MAP3K20: variants seen among roughly 807,000 people sequenced by gnomAD.
MAP3K20 encodes the protein mitogen-activated protein kinase kinase kinase 20.
MAP3K20 carries 40 observed loss-of-function variants against 85.7 expected under a neutral mutation model. The ratio of observed to expected loss-of-function variants is 0.47; its 90% CI spans 0.36 to 0.61. The LOEUF (loss-of-function observed/expected upper bound fraction) is 0.61. MAP3K20 is among the 20% of genes least tolerant of loss of function. The pLI, the probability that MAP3K20 is intolerant of heterozygous loss-of-function variation, is 0.00. For synonymous variants in MAP3K20, 325 were observed against 327.7 expected (o/e 0.99, Z 0.09); for missense variants, 817 against 961.7 (o/e 0.85, Z 1.99).
intron 3 of MAP3K20, among the ~76,000 whole-genome samples, chr2:173,179,901 G>A (rs1205889733): frequency 6.6e-6 from 1 of 151,970 alleles, no homozygotes; most frequent in African/African-American, 2.4e-5. Context: ...AAATAGTTGG[G>A]TATAAATTTA....
Position 173,266,675 on chromosome 2 carries a change from G to A in MAP3K20, c.2328G>A (p.Lys776=). Residue 776 remains lysine (K), a synonymous_variant, in exon 20 of 20, where the codon AAG becomes AAA. Coordinates refer to ENST00000375213, the MANE Select transcript of MAP3K20 (RefSeq NM_016653.3). The part of the protein sequence containing the change: ...GGWTKVEYRK[K]PHRPSPAKTN... ...GGACAAAAGTGGAATACCGGAAAAA[G>A]CCCCACAGGCCATCTCCCGCCAAAA... 6.2e-7 allele frequency: 1 copy of A among 1,606,790 alleles called. No homozygotes were observed. The highest frequency in any genetic ancestry group is 1.3e-5 in the African/African-American group (1 of 74,466).
chr2:173,208,168 G>C (rs1683752620), intron 9 of MAP3K20, among the ~76,000 whole-genome samples: 1 of 152,144 alleles, frequency 6.6e-6, no homozygotes, highest in Non-Finnish European at 1.5e-5. Flanking sequence ...AGGAGGCTGA[G>C]GCAGGAAGAT....
chr2:173,162,284 G>C (rs1689682020), intron 2 of MAP3K20, among the ~76,000 whole-genome samples: 1 of 152,124 alleles, frequency 6.6e-6, no homozygotes, highest in African/African-American at 2.4e-5. Flanking sequence ...GAGAGCCTTG[G>C]ACCTTGGATG....
chr2:173,161,231 C>G (rs966713193), intron 2 of MAP3K20, among the ~76,000 whole-genome samples: 9 of 152,220 alleles, frequency 5.9e-5, no homozygotes, highest in Non-Finnish European at 1.0e-4. Flanking sequence ...CAAAGTGCAG[C>G]TGTCCAAATC....
intron 14 of MAP3K20, among the ~76,000 whole-genome samples, chr2:173,236,038 G>C (rs966247368): frequency 2.0e-5 from 3 of 152,124 alleles, no homozygotes; most frequent in African/African-American, 7.2e-5. Context: ...GGTCAAGGTG[G>C]GCAACTCACT....
At chr2:173,157,142 G>A (rs1253885066) in intron 2 of MAP3K20, among the ~76,000 whole-genome samples, 6 of 152,248 alleles carry the variant, frequency 3.9e-5, no homozygotes, top group Non-Finnish European at 8.8e-5. Context: ...AAATGGAGGC[G>A]ATCTGTTCAT....
intron 9 of MAP3K20, 88 bp downstream of exon 9, chr2:173,203,958 C>T (rs1322536829): frequency 8.1e-7 from 1 of 1,231,520 alleles, no homozygotes; most frequent in South Asian, 1.2e-5. Flanking sequence ...TAATAAAATT[C>T]ATTACAAAGC....
intron 7 of MAP3K20, 128 bp downstream of exon 7, chr2:173,191,305 C>T: frequency 7.7e-7 from 1 of 1,302,110 alleles, no homozygotes; most frequent in Non-Finnish European, 1.0e-6. Flanking sequence ...ATGCCTAAAG[C>T]AGCACCATTG....
chr2:173,129,120 G>A (rs1430458972), intron 2 of MAP3K20, among the ~76,000 whole-genome samples: 6 of 151,770 alleles, frequency 4.0e-5, no homozygotes, highest in Admixed American at 6.6e-5. Context: ...GTAGAGACAA[G>A]GTTTCACCAT....
chr2:173,181,752 T>C (rs1316133062), intron 3 of MAP3K20, among the ~76,000 whole-genome samples: 1 of 152,050 alleles, frequency 6.6e-6, no homozygotes, highest in Non-Finnish European at 1.5e-5. Flanking sequence ...GAGTGAACTT[T>C]GAAAACATTA....
intron 16 of MAP3K20, among the ~76,000 whole-genome samples, chr2:173,249,955 C>T (rs1000348550): frequency 6.6e-5 from 10 of 152,104 alleles, no homozygotes; most frequent in Non-Finnish European, 1.2e-4. Context: ...AAATAACAAC[C>T]CCCCAAAAGG....
chr2:173,194,834 C>G (rs1246214366), intron 7 of MAP3K20, among the ~76,000 whole-genome samples: 1 of 151,900 alleles, frequency 6.6e-6, no homozygotes, highest in Non-Finnish European at 1.5e-5. Flanking sequence ...ATTTTTTAGA[C>G]TGCTGTAAGA....
chr2:173,262,148 T>C (rs1435486635), intron 18 of MAP3K20, among the ~76,000 whole-genome samples: 1 of 152,232 alleles, frequency 6.6e-6, no homozygotes, highest in Non-Finnish European at 1.5e-5. Context: ...GTCAATTCCA[T>C]GTTTTCTGAC....
chr2:173,109,869 T>C (rs1687893074), intron 2 of MAP3K20, among the ~76,000 whole-genome samples: 1 of 152,154 alleles, frequency 6.6e-6, no homozygotes, highest in Non-Finnish European at 1.5e-5. Flanking sequence ...GCTAATATGA[T>C]ACGTTTCCAG....
intron 2 of MAP3K20, among the ~76,000 whole-genome samples, chr2:173,154,193 C>CT (rs752937289): frequency 2.2e-4 from 33 of 151,950 alleles, no homozygotes; most frequent in African/African-American, 7.3e-4. Context: ...AATCCATTCT[C>CT]TTTTTTTTGA....
rs542220439 is a variant in MAP3K20 at position 173,239,674 on chromosome 2, T to C, written c.1359+178T>C. Among the ~76,000 whole-genome samples the C allele has an allele frequency of 1.4e-4, 22 of 152,302 alleles. No homozygotes were observed. In the South Asian group the frequency reaches 3.9e-3, roughly 27 times the overall value. On this transcript the variant is annotated intron_variant, in intron 16 of 19. Transcript: ENST00000375213. ...TGCCAGCTGCCTCTGTAATCCAGTCTAGGAATCTTACTTTCTCAGTCAGCT... is the reference window on the plus strand; with the variant it reads ...TGCCAGCTGCCTCTGTAATCCAGTCCAGGAATCTTACTTTCTCAGTCAGCT...
At chr2:173,200,370 C>T (rs1691008429) in intron 8 of MAP3K20, among the ~76,000 whole-genome samples, 3 of 152,166 alleles carry the variant, frequency 2.0e-5, no homozygotes, top group Admixed American at 6.5e-5. Context: ...TTGACTTAAA[C>T]ATAATTTACA....
chr2:173,266,158 A>G lies in MAP3K20; in HGVS notation c.1811A>G (p.His604Arg), dbSNP rs778717093. ...NPILGSPFFS[H>R]FDGQDSYAAA... ...ATTCTGGGGTCACCGTTCTTCTCACACTTTGATGGCCAGGATTCCTACGCT... is the reference window on the plus strand; with the variant it reads ...ATTCTGGGGTCACCGTTCTTCTCACGCTTTGATGGCCAGGATTCCTACGCT... Residue 604 changes from histidine to arginine, a missense_variant, in exon 20 of 20, where the codon CAC (histidine) becomes CGC (arginine). This residue lies in a region of MAP3K20 where 454 missense variants were observed against 476.9 expected (regional missense o/e 0.95). Coordinates refer to ENST00000375213, the MANE Select transcript of MAP3K20 (RefSeq NM_016653.3). 2 of 1,613,852 alleles carry G rather than the reference A, an allele frequency of 1.2e-6. No individual in the cohort carries two copies. Among genetic ancestry groups the G allele is most frequent in the African/African-American group, 2.7e-5 (2 of 74,878 alleles).
At chr2:173,252,512 G>C (rs911125113) in intron 16 of MAP3K20, among the ~76,000 whole-genome samples, 3 of 152,172 alleles carry the variant, frequency 2.0e-5, no homozygotes, top group Admixed American at 1.3e-4. Flanking sequence ...TTTCATTCAT[G>C]TCAAACACAC....
Sources: gnomAD v4.1 joint callset for allele counts (sites outside exome capture counted in the v4.1 genomes callset) on GRCh38, gnomAD v4.1.1 for gene constraint, gnomAD v4.1.1 regional missense constraint, MANE v1.5 for transcripts, NCBI Gene and HGNC (gene_info 2026-07-23, HGNC 2026-07-21) for gene names.